GRIA4: variants seen among roughly 807,000 people sequenced by gnomAD.
GRIA4 encodes the protein glutamate ionotropic receptor AMPA type subunit 4, also known as glutamate receptor 4.
GRIA4 carries 34 observed loss-of-function variants against 104.0 expected under a neutral mutation model. The observed-to-expected ratio is 0.33, with a 90% CI of 0.25 to 0.44. The LOEUF is 0.44. Among genes scored for constraint, GRIA4 ranks in the 20% least tolerant of loss-of-function variants. The probability of loss-of-function intolerance (pLI) is 1.00; values close to 1 mark genes in which losing one functional copy is unlikely to be tolerated. For missense variants in GRIA4, 750 were observed against 1,096.5 expected, an observed-to-expected ratio of 0.68 and a Z score of 4.46; for synonymous variants, 386 against 381.9, an observed-to-expected ratio of 1.01 and a Z score of -0.13.
chr11:105,688,565 A>T (rs1006952824), intron 3 of GRIA4, among the ~76,000 whole-genome samples: 2 of 152,196 alleles, frequency 1.3e-5, no homozygotes, highest in African/African-American at 2.4e-5. Flanking sequence ...TCCGTCTCAA[A>T]AAATAAATAA....
intron 2 of GRIA4, 117 bp from the exon 3 acceptor site, chr11:105,612,159 G>A (rs945454273): frequency 1.2e-6 from 1 of 866,524 alleles, no homozygotes; most frequent in East Asian, 2.6e-5. Context: ...AGATGTGGCA[G>A]GTATAGCTCT....
intron 11 of GRIA4, among the ~76,000 whole-genome samples, chr11:105,921,647 C>T (rs564189495): frequency 6.6e-6 from 1 of 152,198 alleles, no homozygotes; most frequent in Non-Finnish European, 1.5e-5. Context: ...CAGAAAACAC[C>T]TGTATTTCTC....
intron 4 of GRIA4, among the ~76,000 whole-genome samples, chr11:105,770,980 G>A (rs191627953): frequency 6.6e-6 from 1 of 152,092 alleles, no homozygotes; most frequent in Non-Finnish European, 1.5e-5. Flanking sequence ...AGTCGAAGAT[G>A]TTTTTCTTTA....
rs770553535 is a variant in GRIA4 at position 105,753,132 on chromosome 11, A to G, written c.399A>G (p.Gln133=). ...AGGGGGAGAGCCAGTTTGTGCTGCA[A>G]CTAAGACCTTCGTTACGAGGAGCAC... ...PTEGESQFVL[Q]LRPSLRGALL... Residue 133 remains glutamine (Q), a synonymous_variant, in exon 4 of 17, where the codon CAA becomes CAG. Coordinates refer to ENST00000282499, the MANE Select transcript of GRIA4 (RefSeq NM_000829.4). 40 of 1,613,888 alleles carry G rather than the reference A, an allele frequency of 2.5e-5. No individual in the cohort carries two copies. In the East Asian group the frequency reaches 7.8e-4, roughly 32 times the overall value.
At chr11:105,759,207 C>G (rs1194355807) in intron 4 of GRIA4, among the ~76,000 whole-genome samples, 5 of 151,972 alleles carry the variant, frequency 3.3e-5, no homozygotes, top group Admixed American at 6.6e-5. Context: ...GTAATTCATC[C>G]TTAAACTCTA....
chr11:105,700,832 C>T (rs1591100001), intron 3 of GRIA4, among the ~76,000 whole-genome samples: 1 of 152,154 alleles, frequency 6.6e-6, no homozygotes, highest in African/African-American at 2.4e-5. Flanking sequence ...CTTTGTTCCT[C>T]TCCAGTGTAT....
intron 3 of GRIA4, among the ~76,000 whole-genome samples, chr11:105,635,396 G>A (rs61901800): frequency 4.1e-4 from 62 of 152,264 alleles, no homozygotes; most frequent in Admixed American, 1.5e-3. Context: ...TCTTAGTGCT[G>A]ATAAATGGTA....
chr11:105,702,092 T>A (rs1418024859), intron 3 of GRIA4, among the ~76,000 whole-genome samples: 1 of 152,024 alleles, frequency 6.6e-6, no homozygotes, highest in African/African-American at 2.4e-5. Context: ...TGCAACTACA[T>A]CTGGCTAATT....
chr11:105,792,464 A>G (rs1942256012), intron 4 of GRIA4, among the ~76,000 whole-genome samples: 1 of 152,116 alleles, frequency 6.6e-6, no homozygotes, highest in South Asian at 2.1e-4. Context: ...TTGTATTATA[A>G]GAAGCACCAT....
chr11:105,647,973 A>AATAAATAC (rs1428685996), intron 3 of GRIA4, among the ~76,000 whole-genome samples: 1 of 151,534 alleles, frequency 6.6e-6, no homozygotes, highest in East Asian at 1.9e-4. Flanking sequence ...TAAATAAATA[A>AATAAATAC]ATAAATAAAT....
At chr11:105,964,445 T>C (rs1366098033) in intron 14 of GRIA4, among the ~76,000 whole-genome samples, 1 of 152,216 alleles carries the variant, frequency 6.6e-6, no homozygotes, top group Non-Finnish European at 1.5e-5. Context: ...ATAAACACTT[T>C]AGTAGGCTAA....
chr11:105,924,336 CA>C, intron 11 of GRIA4, 62 bp from the exon 12 acceptor site: 1 of 1,242,648 alleles, frequency 8.0e-7, no homozygotes, highest in Non-Finnish European at 1.1e-6. Context: ...TGGATCATTC[CA>C]GTGCTAATTG....
intron 7 of GRIA4, among the ~76,000 whole-genome samples, chr11:105,899,999 C>T (rs1017095455): frequency 1.3e-5 from 2 of 152,084 alleles, no homozygotes; most frequent in Non-Finnish European, 2.9e-5. Context: ...GAAAACATGG[C>T]ACTAAATAGA....
chr11:105,801,094 CA>C (rs140943178), intron 4 of GRIA4, among the ~76,000 whole-genome samples: 54 of 151,534 alleles, frequency 3.6e-4, no homozygotes, highest in African/African-American at 1.2e-3. Flanking sequence ...CAGGAAAACC[CA>C]GAATAACAAC....
intron 4 of GRIA4, among the ~76,000 whole-genome samples, chr11:105,834,717 T>C (rs2135941868): frequency 1.3e-5 from 2 of 151,252 alleles, no homozygotes; most frequent in East Asian, 3.9e-4. Context: ...AAAGACTTTT[T>C]TTTTTTTTTT....
intron 4 of GRIA4, among the ~76,000 whole-genome samples, chr11:105,810,927 C>A (rs892891571): frequency 2.0e-5 from 3 of 152,020 alleles, no homozygotes; most frequent in Non-Finnish European, 4.4e-5. Flanking sequence ...TTAAAAAAAA[C>A]TATTATTGAT....
chr11:105,890,979 C>T (rs558631520), intron 6 of GRIA4, among the ~76,000 whole-genome samples: 2 of 152,228 alleles, frequency 1.3e-5, no homozygotes, highest in Admixed American at 6.5e-5. Flanking sequence ...CGTATGATAT[C>T]GCAATAGGTT....
At chr11:105,681,560 G>A (rs1258140115) in intron 3 of GRIA4, among the ~76,000 whole-genome samples, 1 of 152,142 alleles carries the variant, frequency 6.6e-6, no homozygotes, top group Non-Finnish European at 1.5e-5. Context: ...ACTATCCAGT[G>A]TGGTAGCTAC....
chr11:105,794,467 A>ATGTG lies in GRIA4; in HGVS notation c.487+41250_487+41251insGTGT, dbSNP rs1169501029. On this transcript the variant is annotated intron_variant, in intron 4 of 16. Transcript: ENST00000282499. ...TGTGTGTGTGTCTGTGTGTGTGTATATGTATGTATATATATATATATATAT... is the reference window on the plus strand; with the variant it reads ...TGTGTGTGTGTCTGTGTGTGTGTATATGTGTGTATGTATATATATATATATATAT... Among the ~76,000 whole-genome samples the ATGTG allele has an allele frequency of 9.4e-3, 365 of 38,768 alleles. 5 individuals are homozygous for ATGTG. Among genetic ancestry groups the ATGTG allele is most frequent in the Non-Finnish European group, 0.013 (291 of 21,930 alleles). The allele number at this position is 38,768 out of a possible 152,430, so 25.4% of individuals were successfully genotyped here.
Sources: gnomAD v4.1 joint callset for allele counts (sites outside exome capture counted in the v4.1 genomes callset) on GRCh38, gnomAD v4.1.1 for gene constraint, MANE v1.5 for transcripts, NCBI Gene and HGNC (gene_info 2026-07-23, HGNC 2026-07-21) for gene names.